CACNA2D2: variants seen among roughly 807,000 people sequenced by gnomAD.
The protein encoded by CACNA2D2 is calcium voltage-gated channel auxiliary subunit alpha2delta 2.
In CACNA2D2, 48 loss-of-function variants were observed where a neutral mutation model predicts 166.4. The ratio of observed to expected loss-of-function variants is 0.29; its 90% CI spans 0.23 to 0.37. The LOEUF (loss-of-function observed/expected upper bound fraction) is 0.37. Ranked by LOEUF, CACNA2D2 falls within the 10% of genes least tolerant of loss-of-function variation. CACNA2D2 has a pLI of 1.00. For missense variants in CACNA2D2, 1,122 were observed against 1,433.0 expected, an observed-to-expected ratio of 0.78 and a Z score of 3.50; for synonymous variants, 561 against 573.7, an observed-to-expected ratio of 0.98 and a Z score of 0.32.
chr3:50,416,622 A>G (rs1466506807), intron 3 of CACNA2D2, among the ~76,000 whole-genome samples: 1 of 152,220 alleles, frequency 6.6e-6, no homozygotes, highest in Admixed American at 6.5e-5. Context: ...AGGAATGTGG[A>G]GATCACAGCA....
chr3:50,416,774 A>T (rs908126573), intron 3 of CACNA2D2, among the ~76,000 whole-genome samples: 3 of 152,172 alleles, frequency 2.0e-5, no homozygotes, highest in Non-Finnish European at 4.4e-5. Context: ...AGAGATCTTC[A>T]TCTTGGACCT....
chr3:50,408,929 G>A (rs1351385679), intron 3 of CACNA2D2, among the ~76,000 whole-genome samples: 1 of 152,208 alleles, frequency 6.6e-6, no homozygotes, highest in African/African-American at 2.4e-5. Context: ...CTTCATTCAG[G>A]CTGCAGTCTC....
intron 2 of CACNA2D2, among the ~76,000 whole-genome samples, chr3:50,444,500 T>C (rs920867366): frequency 3.3e-5 from 5 of 152,206 alleles, no homozygotes; most frequent in African/African-American, 1.2e-4. Context: ...GAAGTTCAAG[T>C]GTGGGGTGCT....
intron 23 of CACNA2D2, among the ~76,000 whole-genome samples, chr3:50,369,558 C>T (rs1193240893): frequency 3.3e-5 from 5 of 152,236 alleles, no homozygotes; most frequent in Non-Finnish European, 7.3e-5. Context: ...TGTCCAGAGC[C>T]CCCGTGTGCT....
intron 2 of CACNA2D2, among the ~76,000 whole-genome samples, chr3:50,475,092 T>C (rs1349191542): frequency 2.6e-5 from 4 of 152,160 alleles, no homozygotes; most frequent in Admixed American, 2.6e-4. Flanking sequence ...TCACACCCAA[T>C]GTCAACACAC....
intron 3 of CACNA2D2, among the ~76,000 whole-genome samples, chr3:50,418,266 C>T (rs1575656916): frequency 3.9e-5 from 6 of 152,252 alleles, no homozygotes; most frequent in Admixed American, 3.9e-4. Flanking sequence ...ACAAGTAACA[C>T]CCCTGCCTTA....
At chr3:50,417,199 CAT>C (rs1366117986) in intron 3 of CACNA2D2, among the ~76,000 whole-genome samples, 3 of 152,298 alleles carry the variant, frequency 2.0e-5, no homozygotes, top group Admixed American at 6.5e-5. Context: ...GGTGTAGACA[CAT>C]GTCTCACTCA....
rs867840653 is a variant in CACNA2D2, at chr3:50,434,296, C to T, written c.405+17G>A. The T allele has an allele frequency of 3.1e-6, 5 of 1,592,334 alleles. No homozygotes were observed. The highest frequency in any genetic ancestry group is 4.3e-6 in the Non-Finnish European group (5 of 1,160,316). On this transcript the variant is annotated intron_variant, in intron 3 of 37. Coordinates refer to ENST00000424201, the MANE Select transcript of CACNA2D2 (RefSeq NM_006030.4). ...CTCCCTCAGTGCCGCCCCCCTGCCCCCAAAACACACACCTACCTTCAGGGC... is the reference window on the plus strand; with the variant it reads ...CTCCCTCAGTGCCGCCCCCCTGCCCTCAAAACACACACCTACCTTCAGGGC...
At position 50,427,577 on chromosome 3, in the gene CACNA2D2, G is replaced by A. The variant is rs1252060622; in HGVS notation, c.405+6736C>T. On this transcript the variant is annotated intron_variant, in intron 3 of 37. Transcript: ENST00000424201. This position sits in a 1 kb window ranked among gnomAD's most constrained non-coding sequence, Gnocchi z 4.7. ...TAATGTTCATAATGGAGGGGAGGCA[G>A]AAGCCATCGCCAGCCCCACATAAAC... Among the ~76,000 whole-genome samples, 9 of 152,260 alleles carry A rather than the reference G, an allele frequency of 5.9e-5. No individual in the cohort carries two copies. Among genetic ancestry groups the A allele is most frequent in the Non-Finnish European group, 7.3e-5 (5 of 68,046 alleles).
At chr3:50,378,190 G>C in intron 14 of CACNA2D2, 93 bp from the exon 15 acceptor site, 1 of 1,566,378 alleles carries the variant, frequency 6.4e-7, no homozygotes, top group East Asian at 2.3e-5. Context: ...CCCAGCCACT[G>C]TGAGGGGGCG....
chr3:50,406,191 A>G (rs1024837051), intron 3 of CACNA2D2, among the ~76,000 whole-genome samples: 3 of 151,950 alleles, frequency 2.0e-5, no homozygotes, highest in Non-Finnish European at 4.4e-5. Flanking sequence ...ATGCACAGCT[A>G]ATGCCATGCA....
chr3:50,465,637 C>A (rs1258899203), intron 2 of CACNA2D2, among the ~76,000 whole-genome samples: 1 of 152,168 alleles, frequency 6.6e-6, no homozygotes, highest in Non-Finnish European at 1.5e-5. Context: ...GCGCACAGGG[C>A]TATGGGAGCT....
chr3:50,499,951 A>G (rs1344128457), intron 1 of CACNA2D2, among the ~76,000 whole-genome samples: 3 of 151,984 alleles, frequency 2.0e-5, no homozygotes, highest in Non-Finnish European at 2.9e-5. Context: ...TCTCGGTGAC[A>G]GCAGCAGCGG....
At chr3:50,480,563 G>A (rs1698003156) in intron 1 of CACNA2D2, among the ~76,000 whole-genome samples, 1 of 151,778 alleles carries the variant, frequency 6.6e-6, no homozygotes, top group Non-Finnish European at 1.5e-5. Flanking sequence ...CTGAGTTGCA[G>A]GATGCCAGGC....
intron 3 of CACNA2D2, among the ~76,000 whole-genome samples, chr3:50,420,107 T>G (rs890946234): frequency 2.0e-5 from 3 of 152,198 alleles, no homozygotes; most frequent in Admixed American, 1.3e-4. Context: ...CACAGTGAAG[T>G]GAACCTTGTG....
chr3:50,479,998 C>T (rs1426071900), intron 1 of CACNA2D2, among the ~76,000 whole-genome samples: 1 of 152,204 alleles, frequency 6.6e-6, no homozygotes, highest in African/African-American at 2.4e-5. Context: ...CATCTAGGGG[C>T]TGCAGTGGCT....
At chr3:50,390,291 C>T (rs1178798527) in intron 4 of CACNA2D2, among the ~76,000 whole-genome samples, 3 of 152,112 alleles carry the variant, frequency 2.0e-5, no homozygotes, top group South Asian at 2.1e-4. Flanking sequence ...AGGGGTCACC[C>T]GCGAGGAGGC....
intron 22 of CACNA2D2, chr3:50,373,078 G>C: frequency 1.3e-6 from 2 of 1,533,884 alleles, no homozygotes; most frequent in Non-Finnish European, 1.7e-6. Flanking sequence ...TCAGTTTGCT[G>C]ATTGGCACTG....
intron 3 of CACNA2D2, among the ~76,000 whole-genome samples, chr3:50,418,159 C>G (rs1366610904): frequency 6.6e-6 from 1 of 152,126 alleles, no homozygotes; most frequent in Admixed American, 6.5e-5. Flanking sequence ...GTGATCACCC[C>G]CACCTCGCCA....
Sources: gnomAD v4.1 joint callset for allele counts (sites outside exome capture counted in the v4.1 genomes callset) on GRCh38, gnomAD v4.1.1 for gene constraint, Gnocchi (gnomAD v3.1) non-coding constraint, MANE v1.5 for transcripts, NCBI Gene and HGNC (gene_info 2026-07-23, HGNC 2026-07-21) for gene names.